Variants in GTF2H3 observed in about 807,000 individuals in gnomAD.
GTF2H3 encodes the protein TFIIH basal transcription factor complex p34 subunit.
Under a neutral mutation model 51.1 loss-of-function variants are expected in GTF2H3, and 42 were observed. That is an observed-to-expected ratio of 0.82 (90% confidence interval 0.64 to 1.06). The LOEUF (loss-of-function observed/expected upper bound fraction) is 1.06, where lower values mean the gene tolerates loss of function less well. GTF2H3 is among the 50% of genes least tolerant of loss of function. The pLI is 0.00. For synonymous variants in GTF2H3, 123 were observed against 123.8 expected (o/e 0.99, Z 0.04); for missense variants, 326 against 366.1 (o/e 0.89, Z 0.89).
intron 1 of GTF2H3, among the ~76,000 whole-genome samples, chr12:123,635,757 A>G (rs1334323122): frequency 6.6e-6 from 1 of 152,120 alleles, no homozygotes; most frequent in Non-Finnish European, 1.5e-5. Context: ...AAATTCCATC[A>G]TTTTTTAAGA....
rs1465696319 is a variant in GTF2H3, at chr12:123,659,611, A to C, written c.684+27A>C. 3 of 1,604,924 alleles carry C rather than the reference A, an allele frequency of 1.9e-6. No individual in the cohort carries two copies. In the East Asian group the frequency reaches 6.7e-5, roughly 36 times the overall value. On this transcript the variant is annotated intron_variant, in intron 10 of 12. Transcript: ENST00000543341. ...TAAGGAGACAGCAGCGGCGACCCTG[A>C]TGCCTGGAGGGAAGGATGACCTCTG...
At chr12:123,656,856 C>T (rs561959067) in intron 9 of GTF2H3, among the ~76,000 whole-genome samples, 2 of 152,262 alleles carry the variant, frequency 1.3e-5, no homozygotes, top group Non-Finnish European at 2.9e-5. Context: ...GAGGCTCAGG[C>T]GGGTGGATGG....
At chr12:123,641,927 C>G (rs1955381075) in intron 2 of GTF2H3, among the ~76,000 whole-genome samples, 1 of 150,520 alleles carries the variant, frequency 6.6e-6, no homozygotes, top group South Asian at 2.1e-4. Flanking sequence ...GATCTCGGCT[C>G]CCTGCAACCT....
In GTF2H3 at chr12:123,654,936, G is replaced by T. The variant is rs1385593240; in HGVS notation, c.499G>T (p.Ala167Ser). 1 of 1,612,336 alleles carries T rather than the reference G, an allele frequency of 6.2e-7. No homozygotes were observed. The highest frequency in any genetic ancestry group is 1.3e-5 in the African/African-American group (1 of 74,882). The part of the protein sequence containing the change: ...MKSRILVIKA[A>S]EDSALQYMNF... ...CTGTGATTTTTAGGTGATTAAGGCT[G>T]CAGAAGACAGTGCGTTGCAGTATAT... Residue 167 changes from alanine (A) to serine (S), a missense_variant, in exon 8 of 13, where the codon GCA becomes TCA. Coordinates refer to ENST00000543341, the MANE Select transcript of GTF2H3 (RefSeq NM_001516.5).
At chr12:123,657,048 C>T (rs1161319962) in intron 9 of GTF2H3, among the ~76,000 whole-genome samples, 3 of 152,134 alleles carry the variant, frequency 2.0e-5, no homozygotes, top group Non-Finnish European at 4.4e-5. Context: ...GATCATGCCA[C>T]TGCACTCCAG....
At chr12:123,652,023 C>G (rs1406488637) in intron 5 of GTF2H3, among the ~76,000 whole-genome samples, 1 of 152,076 alleles carries the variant, frequency 6.6e-6, no homozygotes, top group Non-Finnish European at 1.5e-5. Context: ...TTTTTAAAAG[C>G]CATTTAGGAG....
chr12:123,640,469 T>C (rs951300985), intron 2 of GTF2H3, among the ~76,000 whole-genome samples: 1 of 151,688 alleles, frequency 6.6e-6, no homozygotes, highest in African/African-American at 2.4e-5. Context: ...TCCGAGTAGC[T>C]GGGATTACAG....
At chr12:123,640,651 T>G (rs1213265287) in intron 2 of GTF2H3, among the ~76,000 whole-genome samples, 1 of 152,160 alleles carries the variant, frequency 6.6e-6, no homozygotes, top group Non-Finnish European at 1.5e-5. Flanking sequence ...TCTGTTCTTT[T>G]TAATGACAGG....
At chr12:123,635,400 G>A (rs1028122022) in intron 1 of GTF2H3, among the ~76,000 whole-genome samples, 17 of 151,680 alleles carry the variant, frequency 1.1e-4, no homozygotes, top group East Asian at 1.9e-4. Context: ...GTGAAACCCC[G>A]TCTCTGCTCA....
At chr12:123,650,446 G>A (rs1199125348) in intron 4 of GTF2H3, 2 of 153,962 alleles carry the variant, frequency 1.3e-5, no homozygotes, top group Non-Finnish European at 2.9e-5. Context: ...GTGACATTTT[G>A]TACCACATAG....
intron 4 of GTF2H3, 124 bp from the exon 5 acceptor site, chr12:123,650,868 CTT>C (rs909090802): frequency 3.1e-6 from 2 of 636,602 alleles, no homozygotes; most frequent in Admixed American, 2.5e-5. Context: ...TTGAAAATGT[CTT>C]GTTTGATTTC....
intron 1 of GTF2H3, among the ~76,000 whole-genome samples, chr12:123,635,858 AAG>A (rs1955276117): frequency 6.6e-6 from 1 of 152,204 alleles, no homozygotes; most frequent in African/African-American, 2.4e-5. Flanking sequence ...GTGTCATTAG[AAG>A]AGAGAGCTGT....
At chr12:123,651,977 T>C (rs1349479955) in intron 5 of GTF2H3, among the ~76,000 whole-genome samples, 2 of 152,182 alleles carry the variant, frequency 1.3e-5, no homozygotes, top group African/African-American at 4.8e-5. Flanking sequence ...TTTTTAAACA[T>C]TTTCATTTTC....
intron 4 of GTF2H3, chr12:123,649,685 A>G (rs1002174460): frequency 6.6e-6 from 1 of 152,214 alleles, no homozygotes; most frequent in Non-Finnish European, 1.5e-5. Flanking sequence ...ACCTGGGGGA[A>G]AAGACAATTC....
intron 9 of GTF2H3, 85 bp downstream of exon 9, chr12:123,655,909 G>A (rs1220029015): frequency 2.5e-6 from 2 of 805,308 alleles, no homozygotes; most frequent in Admixed American, 2.2e-5. Flanking sequence ...GAAAGCTTTG[G>A]GTATATTGGG....
At position 123,661,156 on chromosome 12, in the gene GTF2H3, T is replaced by C. The variant is rs1255627814; in HGVS notation, c.*921T>C. The C allele has an allele frequency of 6.6e-6, 1 of 152,154 alleles. No homozygotes were observed. The highest frequency in any genetic ancestry group is 1.5e-5 in the Non-Finnish European group (1 of 68,038). 9.4% of individuals were successfully genotyped at this position (152,154 alleles called of 1,614,324 possible). ...AAAATTTAAATGTATTTATTAAAAC[T>C]GTTCTCTAGAAGCTTTGGACTGAAT... On this transcript the variant is annotated 3_prime_UTR_variant, in exon 13 of 13. Transcript: ENST00000543341.
chr12:123,656,478 A>G (rs934617234), intron 9 of GTF2H3, among the ~76,000 whole-genome samples: 6 of 152,202 alleles, frequency 3.9e-5, no homozygotes, highest in African/African-American at 1.4e-4. Context: ...ATGAATTCAC[A>G]TACCAGCTCT....
chr12:123,638,263 A>C (rs2135778010), intron 1 of GTF2H3, among the ~76,000 whole-genome samples: 1 of 151,578 alleles, frequency 6.6e-6, no homozygotes, highest in East Asian at 1.9e-4. Context: ...GGTTCAAGTG[A>C]TTCTCCTGCC....
intron 9 of GTF2H3, chr12:123,656,102 A>G (rs576171497): frequency 3.0e-5 from 9 of 298,324 alleles, no homozygotes; most frequent in African/African-American, 1.9e-4. Context: ...AAGTCTGAAG[A>G]AATTACTGAG....
Sources: gnomAD v4.1 joint callset for allele counts (sites outside exome capture counted in the v4.1 genomes callset) on GRCh38, gnomAD v4.1.1 for gene constraint, MANE v1.5 for transcripts, NCBI Gene and HGNC (gene_info 2026-07-23, HGNC 2026-07-21) for gene names.